Variants in PRSS23 observed in about 807,000 individuals in gnomAD.
PRSS23 encodes the protein serine protease 23.
PRSS23 carries 25 observed loss-of-function variants against 34.7 expected under a neutral mutation model. The ratio of observed to expected loss-of-function variants is 0.72; its 90% confidence interval spans 0.53 to 1.01. The LOEUF (loss-of-function observed/expected upper bound fraction) is 1.01, where lower values mean the gene tolerates loss of function less well. Ranked by LOEUF, PRSS23 falls within the 50% of genes least tolerant of loss-of-function variation. PRSS23 has a pLI of 0.00. For missense variants in PRSS23, 445 were observed against 475.6 expected, an observed-to-expected ratio of 0.94 and a Z score of 0.60; for synonymous variants, 176 against 186.6, an observed-to-expected ratio of 0.94 and a Z score of 0.46.
chr11:86,928,470 T>C (rs1949098434), intron 2 of PRSS23, among the ~76,000 whole-genome samples: 1 of 147,346 alleles, frequency 6.8e-6, no homozygotes, highest in Non-Finnish European at 1.5e-5. Context: ...GGTCAGGAGA[T>C]CGAGATCATC....
At chr11:86,831,174 T>C (rs1387041597) in intron 2 of PRSS23, among the ~76,000 whole-genome samples, 2 of 152,174 alleles carry the variant, frequency 1.3e-5, no homozygotes. Context: ...TTATTACTAA[T>C]GTCACAATGC....
At position 86,808,472 on chromosome 11, in the gene PRSS23, A is replaced by G; in HGVS notation, c.829A>G (p.Ile277Val). 6.2e-7 allele frequency: 1 copy of G among 1,614,216 alleles called. No homozygotes were observed. The highest frequency in any genetic ancestry group is 8.5e-7 in the Non-Finnish European group (1 of 1,180,040). ...PPAKQLPGGR[I>V]HFSGYDNDRP... ...TGCTAAGCAGCTGCCAGGGGGCAGAATTCACTTCTCTGGTTATGACAATGA... is the reference window on the plus strand; with the variant it reads ...TGCTAAGCAGCTGCCAGGGGGCAGAGTTCACTTCTCTGGTTATGACAATGA... Residue 277 changes from isoleucine to valine, a missense_variant, in exon 2 of 2, where the codon ATT (isoleucine) becomes GTT (valine). Physicochemically the swap from Ile to Val is conservative, Grantham distance 29 (BLOSUM62 3). Coordinates refer to ENST00000280258, the MANE Select transcript of PRSS23 (RefSeq NM_007173.6).
At chr11:86,933,727 T>C (rs371742095) in intron 2 of PRSS23, 5 of 152,234 alleles carry the variant, frequency 3.3e-5, no homozygotes, top group Non-Finnish European at 7.3e-5. Context: ...CAGATGACTA[T>C]TGGAGCTGGA....
rs1020491671 is a variant in PRSS23 at position 86,823,251 on chromosome 11, A to G, written c.-11-126A>G. The stretch of plus-strand genomic sequence containing the variant: ...CCTAATCTGTAAAAGCATCATAAAA[A>G]AAAATGTATGATTAATCTCATTTTA... On this transcript the variant is annotated intron_variant, in intron 1 of 2. Coordinates refer to the PRSS23 transcript ENST00000533902. The G allele has an allele frequency of 1.6e-5, 10 of 619,928 alleles. No homozygotes were observed. The East Asian group carries it at 1.6e-4, about 10-fold the overall frequency. 38.4% of individuals were successfully genotyped at this position (619,928 alleles called of 1,614,324 possible).
chr11:86,841,465 C>T (rs147153166), intron 2 of PRSS23, among the ~76,000 whole-genome samples: 1 of 150,858 alleles, frequency 6.6e-6, no homozygotes, highest in Admixed American at 6.6e-5. Flanking sequence ...ATAAGAGACA[C>T]AAAAAACACT....
intron 2 of PRSS23, among the ~76,000 whole-genome samples, chr11:86,841,938 C>G (rs959410117): frequency 6.6e-6 from 1 of 152,174 alleles, no homozygotes; most frequent in African/African-American, 2.4e-5. Context: ...TTTATAAGAC[C>G]AGGATCATCC....
At chr11:86,929,757 C>A (rs1407996268) in intron 2 of PRSS23, among the ~76,000 whole-genome samples, 1 of 152,146 alleles carries the variant, frequency 6.6e-6, no homozygotes, top group East Asian at 1.9e-4. Flanking sequence ...GTTATCATTG[C>A]GGCATTGTTT....
chr11:86,832,239 C>A (rs1438431932), intron 2 of PRSS23, among the ~76,000 whole-genome samples: 1 of 152,028 alleles, frequency 6.6e-6, no homozygotes, highest in Non-Finnish European at 1.5e-5. Flanking sequence ...TGTGTGAACA[C>A]CCTTGATATT....
chr11:86,871,168 C>T (rs1391397144), intron 2 of PRSS23, among the ~76,000 whole-genome samples: 4 of 152,274 alleles, frequency 2.6e-5, no homozygotes, highest in African/African-American at 9.6e-5. Flanking sequence ...TCATCTTGAT[C>T]CTACTGAGGC....
intron 2 of PRSS23, among the ~76,000 whole-genome samples, chr11:86,827,161 C>T (rs1948308802): frequency 6.6e-6 from 1 of 152,200 alleles, no homozygotes; most frequent in East Asian, 1.9e-4. Flanking sequence ...ATTATTGCCA[C>T]AATTTCAGAG....
At position 86,808,294 on chromosome 11, in the gene PRSS23, G is replaced by A. The variant is rs752112512; in HGVS notation, c.651G>A (p.Met217Ile). The A allele has an allele frequency of 1.2e-6, 2 of 1,614,024 alleles. No individual in the cohort carries two copies. Among genetic ancestry groups the A allele is most frequent in the Admixed American group, 1.7e-5 (1 of 60,010 alleles). Residue 217 changes from methionine (M) to isoleucine (I), a missense_variant, in exon 2 of 2, where the codon ATG becomes ATA. Transcript: ENST00000280258. ...CCACTTCAGCCATGCCCGAGCAGAT[G>A]AAATTTCAGTGGATCCGGGTGAAAC... ...NDSTSAMPEQ[M>I]KFQWIRVKRT...
At chr11:86,819,595 G>A (rs888612461) in intron 1 of PRSS23, among the ~76,000 whole-genome samples, 17 of 152,150 alleles carry the variant, frequency 1.1e-4, no homozygotes, top group Non-Finnish European at 1.0e-4. Context: ...AGTAATGACT[G>A]TGGCTGGTGG....
At chr11:86,823,766 G>C (rs1418035704) in intron 2 of PRSS23, among the ~76,000 whole-genome samples, 2 of 152,066 alleles carry the variant, frequency 1.3e-5, no homozygotes, top group African/African-American at 4.8e-5. Flanking sequence ...CAGCATTTTG[G>C]GAGGCCGAGG....
At chr11:86,861,533 T>C (rs1404493812) in intron 2 of PRSS23, among the ~76,000 whole-genome samples, 4 of 151,900 alleles carry the variant, frequency 2.6e-5, no homozygotes, top group Non-Finnish European at 5.9e-5. Flanking sequence ...GTTCATAATA[T>C]CCAGTTGGAG....
At chr11:86,902,556 C>G (rs1565381521) in intron 2 of PRSS23, among the ~76,000 whole-genome samples, 1 of 152,116 alleles carries the variant, frequency 6.6e-6, no homozygotes, top group Non-Finnish European at 1.5e-5. Context: ...GAGCTGCCAC[C>G]AGATAACAGC....
At chr11:86,800,389 C>G, upstream of PRSS23, 2 of 942,706 alleles carry the variant, frequency 2.1e-6, no homozygotes, top group Non-Finnish European at 2.5e-6. Context: ...GCTCCGGCCG[C>G]AGGCGAGCGG....
At chr11:86,942,585 T>C (rs1250315913) in intron 2 of PRSS23, among the ~76,000 whole-genome samples, 2 of 152,220 alleles carry the variant, frequency 1.3e-5, no homozygotes, top group African/African-American at 4.8e-5. Context: ...GGAAAGCTGA[T>C]GAAAATCAGG....
intron 2 of PRSS23, among the ~76,000 whole-genome samples, chr11:86,870,053 C>A (rs142096920): frequency 6.6e-6 from 1 of 152,172 alleles, no homozygotes. Context: ...AAATGAACAA[C>A]CAGTGAATGA....
intron 2 of PRSS23, among the ~76,000 whole-genome samples, chr11:86,905,158 T>C (rs1948934252): frequency 6.6e-6 from 1 of 152,252 alleles, no homozygotes; most frequent in South Asian, 2.1e-4. Flanking sequence ...AAATGATCCA[T>C]GTGCATATCT....
Sources: allele counts gnomAD v4.1 joint callset (sites outside exome capture counted in the v4.1 genomes callset), GRCh38; gene constraint gnomAD v4.1.1; transcripts MANE v1.5; gene names NCBI Gene and HGNC (gene_info 2026-07-23, HGNC 2026-07-21).